WASF3: variants seen among roughly 807,000 people sequenced by gnomAD.
WASF3 encodes the protein actin-binding protein WASF3.
WASF3 carries 11 observed loss-of-function variants against 46.6 expected under a neutral mutation model. That is an observed-to-expected ratio of 0.24 (90% CI 0.15 to 0.39). The LOEUF (loss-of-function observed/expected upper bound fraction) is 0.39. WASF3 is among the 10% of genes least tolerant of loss of function. WASF3 has a pLI of 1.00. For missense variants in WASF3, 576 were observed against 669.8 expected (o/e 0.86, Z 1.55); for synonymous variants, 242 against 259.7 (o/e 0.93, Z 0.65).
intron 1 of WASF3, among the ~76,000 whole-genome samples, chr13:26,611,440 G>GT (rs1279591611): frequency 6.6e-6 from 1 of 152,182 alleles, no homozygotes; most frequent in East Asian, 1.9e-4. Flanking sequence ...CAAAGGAAGA[G>GT]TTAACACGTG....
intron 7 of WASF3, among the ~76,000 whole-genome samples, chr13:26,677,885 T>G (rs1490087761): frequency 2.0e-5 from 3 of 152,198 alleles, no homozygotes; most frequent in African/African-American, 7.2e-5. Flanking sequence ...CTATGATTGT[T>G]TACTCGTGCA....
intron 7 of WASF3, chr13:26,680,256 C>G: frequency 6.6e-7 from 1 of 1,507,086 alleles, no homozygotes; most frequent in South Asian, 1.3e-5. Context: ...CTGCTTCTGC[C>G]GCCATGAGAG....
chr13:26,560,611 G>C (rs1309057175), intron 1 of WASF3, among the ~76,000 whole-genome samples: 3 of 152,182 alleles, frequency 2.0e-5, no homozygotes, highest in Non-Finnish European at 4.4e-5. Flanking sequence ...TAGTCTACCA[G>C]GACAAGCAAT....
chr13:26,636,532 T>TC (rs1881826929), intron 2 of WASF3, among the ~76,000 whole-genome samples: 1 of 152,304 alleles, frequency 6.6e-6, no homozygotes, highest in South Asian at 2.1e-4. Flanking sequence ...GTCCAACCAG[T>TC]CCCAATGAGA....
intron 1 of WASF3, among the ~76,000 whole-genome samples, chr13:26,573,097 TC>T (rs1879688593): frequency 6.6e-6 from 1 of 152,184 alleles, no homozygotes; most frequent in Non-Finnish European, 1.5e-5. Flanking sequence ...CCTCTTGATA[TC>T]ATCTGGGTTT....
chr13:26,634,815 C>A (rs1399074491), intron 2 of WASF3, among the ~76,000 whole-genome samples: 2 of 152,156 alleles, frequency 1.3e-5, no homozygotes, highest in African/African-American at 4.8e-5. Context: ...AATATTGGCC[C>A]CCATTCTCTT....
chr13:26,575,087 T>C (rs888058320), intron 1 of WASF3, among the ~76,000 whole-genome samples: 1 of 152,134 alleles, frequency 6.6e-6, no homozygotes, highest in Non-Finnish European at 1.5e-5. Context: ...CCGCCCACCT[T>C]GGCCTCCCAC....
rs1566073467 is a variant in WASF3, at chr13:26,679,254, C to CCCT, written c.717-1787_717-1785dup. On this transcript the variant is annotated intron_variant, in intron 7 of 9. Transcript: ENST00000335327. This position sits in a 1 kb window ranked among gnomAD's most constrained non-coding sequence, Gnocchi z 4.8. ...TCATCTCCAACAGCTGCCTGCTCCT[C>CCCT]CCTCCTCCTCCTCCTGCCTGCTGGC... Among the ~76,000 whole-genome samples, 1 of 151,962 alleles carries CCCT rather than the reference C, an allele frequency of 6.6e-6. No individual in the cohort carries two copies.
chr13:26,646,419 A>G (rs1277936934), intron 3 of WASF3, among the ~76,000 whole-genome samples: 1 of 152,202 alleles, frequency 6.6e-6, no homozygotes, highest in Non-Finnish European at 1.5e-5. Context: ...AAGTCAAAAC[A>G]TAATCTGTTT....
chr13:26,628,442 G>C (rs36094398), intron 2 of WASF3, among the ~76,000 whole-genome samples: 36,551 of 152,158 alleles, frequency 0.24, 5,009 homozygotes, highest in Non-Finnish European at 0.32. Context: ...CATGCACACA[G>C]AGAATTAGCA....
rs189416508 is a variant in WASF3 at position 26,584,986 on chromosome 13, G to A, written c.-109+27167G>A. Reference sequence around the variant, plus strand: ...GAATACAGCCAGCATTCCATCATCTGGAAGGAAAATAGTGAGGTGGCAGAT... The same window carrying A: ...GAATACAGCCAGCATTCCATCATCTAGAAGGAAAATAGTGAGGTGGCAGAT... On this transcript the variant is annotated intron_variant, in intron 1 of 9. Coordinates refer to ENST00000335327, the MANE Select transcript of WASF3 (RefSeq NM_006646.6). Among the ~76,000 whole-genome samples the A allele has an allele frequency of 9.2e-4, 140 of 152,130 alleles. 1 individual carries two copies. The highest frequency in any genetic ancestry group is 3.1e-3 in the East Asian group (16 of 5,156).
At chr13:26,550,734 G>A in the WASF3 span, among the ~76,000 whole-genome samples, 1 of 152,104 alleles carries the variant, frequency 6.6e-6, no homozygotes, top group African/African-American at 2.4e-5. Context: ...TTCAGATCCA[G>A]GCACCCTCCC....
At chr13:26,680,818 T>A (rs916987823) in intron 7 of WASF3, among the ~76,000 whole-genome samples, 2 of 152,182 alleles carry the variant, frequency 1.3e-5, no homozygotes, top group African/African-American at 2.4e-5. Flanking sequence ...GTCTGACTTA[T>A]TCACTTCAAA....
chr13:26,681,361 G>C, intron 8 of WASF3, 41 bp downstream of exon 8: 1 of 1,506,524 alleles, frequency 6.6e-7, no homozygotes, highest in Non-Finnish European at 8.9e-7. Context: ...TCCTGGCCTT[G>C]CATTTGAATC....
At chr13:26,566,741 A>C (rs1158086519) in intron 1 of WASF3, among the ~76,000 whole-genome samples, 2 of 152,184 alleles carry the variant, frequency 1.3e-5, no homozygotes, top group Non-Finnish European at 2.9e-5. Flanking sequence ...TCATCCTACT[A>C]GCCGTACTCA....
chr13:26,543,122 A>G, the WASF3 span, among the ~76,000 whole-genome samples: 1 of 152,036 alleles, frequency 6.6e-6, no homozygotes, highest in African/African-American at 2.4e-5. Context: ...TCTGAGCAGG[A>G]GGATGTTGGG....
chr13:26,581,576 A>G (rs1228073033), intron 1 of WASF3, among the ~76,000 whole-genome samples: 2 of 151,988 alleles, frequency 1.3e-5, no homozygotes, highest in Non-Finnish European at 2.9e-5. Context: ...ACTCCCTTTT[A>G]GTTGTTTAGT....
At chr13:26,589,685 G>T (rs915811808) in intron 1 of WASF3, among the ~76,000 whole-genome samples, 7 of 152,138 alleles carry the variant, frequency 4.6e-5, no homozygotes, top group Non-Finnish European at 1.0e-4. Flanking sequence ...AACAGAGTTT[G>T]GCAGATTTAT....
chr13:26,549,502 G>A, the WASF3 span, among the ~76,000 whole-genome samples: 1 of 152,032 alleles, frequency 6.6e-6, no homozygotes, highest in Non-Finnish European at 1.5e-5. Flanking sequence ...GACCTAACAT[G>A]GGGATCACAA....
Sources: gnomAD v4.1 joint callset for allele counts (sites outside exome capture counted in the v4.1 genomes callset) on GRCh38, gnomAD v4.1.1 for gene constraint, Gnocchi (gnomAD v3.1) non-coding constraint, MANE v1.5 for transcripts, NCBI Gene and HGNC (gene_info 2026-07-23, HGNC 2026-07-21) for gene names.